NDRG1: variants seen among roughly 807,000 people sequenced by gnomAD.
The protein encoded by NDRG1 is N-myc downstream regulated 1.
NDRG1 carries 32 observed loss-of-function variants against 56.9 expected under a neutral mutation model. That is an observed-to-expected ratio of 0.56 (90% CI 0.42 to 0.76). The LOEUF (loss-of-function observed/expected upper bound fraction) is 0.76. Ranked by LOEUF, NDRG1 falls within the 30% of genes least tolerant of loss-of-function variation. NDRG1 has a pLI of 0.00. For missense variants in NDRG1, 507 were observed against 545.7 expected (o/e 0.93, Z 0.71); for synonymous variants, 211 against 204.1 (o/e 1.03, Z -0.29).
intron 1 of NDRG1, among the ~76,000 whole-genome samples, chr8:133,294,210 A>T (rs1324668488): frequency 6.6e-6 from 1 of 152,218 alleles, no homozygotes; most frequent in Non-Finnish European, 1.5e-5. Context: ...CTGAAGTCCA[A>T]CTGTCCGGGT....
intron 1 of NDRG1, among the ~76,000 whole-genome samples, chr8:133,287,277 G>A (rs186140189): frequency 7.8e-4 from 119 of 152,208 alleles, no homozygotes; most frequent in African/African-American, 2.4e-3. Context: ...CCTACAATCT[G>A]CCCACTCCCA....
intron 3 of NDRG1, among the ~76,000 whole-genome samples, chr8:133,275,119 G>A (rs1857389116): frequency 6.6e-6 from 1 of 152,120 alleles, no homozygotes; most frequent in Non-Finnish European, 1.5e-5. Flanking sequence ...AACCCATCAG[G>A]CCCCAGAGAG....
At chr8:133,254,196 G>C (rs886335555) in intron 9 of NDRG1, among the ~76,000 whole-genome samples, 4 of 152,172 alleles carry the variant, frequency 2.6e-5, no homozygotes, top group African/African-American at 4.8e-5. Flanking sequence ...AGGGAGAGGA[G>C]GACTATCAAG....
Position 133,239,128 on chromosome 8 carries a change from A to C in NDRG1, c.944-9T>G, listed in dbSNP as rs1855240523. 9 of 1,553,000 alleles carry C rather than the reference A, an allele frequency of 5.8e-6. No homozygotes were observed. The East Asian group carries it at 2.2e-4, about 38-fold the overall frequency. ...CATGCTAGCCGAGGGCACTAGGGGA[A>C]CAAGAGACAGCCGGTTAGAGGGCAG... On this transcript the variant is annotated splice_polypyrimidine_tract_variant and intron_variant, in intron 15 of 15. Transcript: ENST00000323851.
At chr8:133,263,116 G>C (rs1305164441) in intron 4 of NDRG1, among the ~76,000 whole-genome samples, 1 of 152,226 alleles carries the variant, frequency 6.6e-6, no homozygotes, top group African/African-American at 2.4e-5. Flanking sequence ...GCTGCCATAT[G>C]CAATTCCAGT....
intron 5 of NDRG1, 74 bp from the exon 6 acceptor site, chr8:133,259,304 AG>A: frequency 6.8e-7 from 1 of 1,477,820 alleles, no homozygotes; most frequent in Non-Finnish European, 9.5e-7. Context: ...ACACGCTTGA[AG>A]GGTGGGGACC....
intron 9 of NDRG1, 61 bp downstream of exon 9, chr8:133,254,478 T>G (rs1434296523): frequency 2.4e-5 from 38 of 1,590,672 alleles, no homozygotes; most frequent in Non-Finnish European, 3.2e-5. Flanking sequence ...GGCCCTGTGC[T>G]GAGCACCACA....
chr8:133,250,440 CTGT>C lies in NDRG1; in HGVS notation c.695_697del (p.Asn232del). ...ATGTGGCTGAACTACATCCCAATACCTGTTGTAGGCATTGATGAACAGGTGCAG... is the reference window on the plus strand; with the variant it reads ...ATGTGGCTGAACTACATCCCAATACCTGTAGGCATTGATGAACAGGTGCAG... On this transcript the variant is annotated inframe_deletion and splice_region_variant, in exon 10 of 16. Transcript: ENST00000323851. The C allele has an allele frequency of 6.2e-7, 1 of 1,613,218 alleles. No homozygotes were observed. The highest frequency in any genetic ancestry group is 2.2e-5 in the East Asian group (1 of 44,876).
intron 3 of NDRG1, among the ~76,000 whole-genome samples, chr8:133,266,727 C>T (rs561417750): frequency 1.4e-4 from 22 of 152,326 alleles, no homozygotes; most frequent in African/African-American, 5.3e-4. Flanking sequence ...CATTAGGCAC[C>T]TATTGTATGC....
intron 7 of NDRG1, among the ~76,000 whole-genome samples, chr8:133,257,142 C>T (rs1002230712): frequency 7.2e-5 from 11 of 152,212 alleles, no homozygotes; most frequent in Non-Finnish European, 1.6e-4. Context: ...CACTTCAACC[C>T]ACGGAGGCTC....
At chr8:133,251,333 C>T (rs1002829782) in intron 9 of NDRG1, among the ~76,000 whole-genome samples, 10 of 152,152 alleles carry the variant, frequency 6.6e-5, no homozygotes, top group African/African-American at 1.4e-4. Flanking sequence ...CAAAGAAAGC[C>T]GGTGTCAAGC....
chr8:133,238,957 C>T lies in NDRG1; in HGVS notation c.1106G>A (p.Gly369Glu). ...GTTGGGGGTGATGTCCAGGTGGGCCCCCTCGCTGGTGTGCGAGCGGCTGCG... is the reference window on the plus strand; with the variant it reads ...GTTGGGGGTGATGTCCAGGTGGGCCTCCTCGCTGGTGTGCGAGCGGCTGCG... ...GTRSRSHTSE[G>E]AHLDITPNSG... Residue 369 changes from glycine (G) to glutamate (E), a missense_variant, in exon 16 of 16, where the codon GGG becomes GAG. By Grantham distance (98) the Gly-to-Glu change is moderately conservative. Transcript: ENST00000323851. The T allele has an allele frequency of 6.3e-7, 1 of 1,579,294 alleles. No homozygotes were observed. Among genetic ancestry groups the T allele is most frequent in the African/African-American group, 1.3e-5 (1 of 74,670 alleles).
chr8:133,278,879 CTCT>C (rs958869270), intron 3 of NDRG1, among the ~76,000 whole-genome samples: 17 of 145,838 alleles, frequency 1.2e-4, no homozygotes, highest in African/African-American at 2.1e-4. Flanking sequence ...AGTGCTGTCT[CTCT>C]TCTTCTTTTT....
chr8:133,292,761 T>C (rs1858498386), intron 1 of NDRG1, among the ~76,000 whole-genome samples: 1 of 152,070 alleles, frequency 6.6e-6, no homozygotes, highest in South Asian at 2.1e-4. Flanking sequence ...CAGAACTCTA[T>C]GCAGATTTAA....
chr8:133,258,678 C>A (rs981066041), intron 6 of NDRG1, among the ~76,000 whole-genome samples: 1 of 152,228 alleles, frequency 6.6e-6, no homozygotes, highest in African/African-American at 2.4e-5. Flanking sequence ...CTGACATTTA[C>A]GGGAAGGCCC....
intron 9 of NDRG1, among the ~76,000 whole-genome samples, chr8:133,253,569 A>T (rs1856192456): frequency 6.6e-6 from 1 of 152,232 alleles, no homozygotes; most frequent in Non-Finnish European, 1.5e-5. Context: ...CTCCACGGAC[A>T]TGTTTGCTAC....
rs1855698940 is a variant in NDRG1 at position 133,246,667 on chromosome 8, C to A, written c.808-4G>T. On this transcript the variant is annotated splice_region_variant and splice_polypyrimidine_tract_variant and intron_variant, in intron 12 of 15. Coordinates refer to ENST00000323851, the MANE Select transcript of NDRG1 (RefSeq NM_006096.4). ...CCAATTTTGAGTTGCACTCCACCTGCACAAGAGGGAGGAAATCTGTTAATT... is the reference window on the plus strand; with the variant it reads ...CCAATTTTGAGTTGCACTCCACCTGAACAAGAGGGAGGAAATCTGTTAATT... 1 of 1,613,912 alleles carries A rather than the reference C, an allele frequency of 6.2e-7. No individual in the cohort carries two copies. Among genetic ancestry groups the A allele is most frequent in the East Asian group, 2.2e-5 (1 of 44,890 alleles).
chr8:133,254,393 A>C, intron 9 of NDRG1, 146 bp downstream of exon 9: 1 of 693,508 alleles, frequency 1.4e-6, no homozygotes, highest in South Asian at 2.0e-5. Flanking sequence ...TGAATGAATA[A>C]TGTCACATTA....
At chr8:133,284,225 GT>G (rs1857973510) in intron 2 of NDRG1, 23 bp downstream of exon 2, 1 of 1,611,682 alleles carries the variant, frequency 6.2e-7, no homozygotes, top group Non-Finnish European at 8.5e-7. Flanking sequence ...CTGTGATGGG[GT>G]AGCCAGGAAG....
Sources: allele counts gnomAD v4.1 joint callset (sites outside exome capture counted in the v4.1 genomes callset), GRCh38; gene constraint gnomAD v4.1.1; transcripts MANE v1.5; gene names NCBI Gene and HGNC (gene_info 2026-07-23, HGNC 2026-07-21).